The following CSTPP1 variants were observed in gnomAD, a reference collection of about 807,000 sequenced individuals.
The protein encoded by CSTPP1 is centriolar satellite-associated tubulin polyglutamylase complex regulator 1, also known as UPF0705 protein C11orf49.
chr11:46,988,812 C>G, the CSTPP1 span, among the ~76,000 whole-genome samples: 1 of 152,014 alleles, frequency 6.6e-6, no homozygotes. Flanking sequence ...ATGTCTGTAT[C>G]AAAACATATT....
the CSTPP1 span, among the ~76,000 whole-genome samples, chr11:47,022,358 C>CT: frequency 1.2e-3 from 57 of 48,804 alleles, 14 homozygotes; most frequent in African/African-American, 2.9e-3. Flanking sequence ...TTCATATGTC[C>CT]TTTTTTTTTT....
At chr11:47,071,058 C>A in the CSTPP1 span, among the ~76,000 whole-genome samples, 91 of 152,268 alleles carry the variant, frequency 6.0e-4, no homozygotes, top group African/African-American at 2.1e-3. Context: ...CAAGTAGATT[C>A]CCATTTCCTC....
At chr11:47,092,546 T>C in the CSTPP1 span, among the ~76,000 whole-genome samples, 1 of 152,218 alleles carries the variant, frequency 6.6e-6, no homozygotes, top group Non-Finnish European at 1.5e-5. Flanking sequence ...AACAGATAGA[T>C]AACTTGAAAC....
At chr11:47,154,834 T>C in the CSTPP1 span, 2 of 388,254 alleles carry the variant, frequency 5.2e-6, no homozygotes, top group Non-Finnish European at 9.5e-6. Context: ...AAAAGAAACC[T>C]TGGCTGCATT....
the CSTPP1 span, chr11:47,004,343 CT>C: frequency 0.16 from 23,784 of 148,730 alleles, 6,348 homozygotes; most frequent in African/African-American, 0.55. Flanking sequence ...ACCCAGCTAA[CT>C]TTTTTTTTTC....
At chr11:46,964,994 G>A in the CSTPP1 span, among the ~76,000 whole-genome samples, 4 of 152,162 alleles carry the variant, frequency 2.6e-5, no homozygotes, top group Non-Finnish European at 5.9e-5. Context: ...GTAGGAAGCA[G>A]ATGGTTGGAC....
the CSTPP1 span, among the ~76,000 whole-genome samples, chr11:47,071,574 C>A: frequency 6.6e-6 from 1 of 152,206 alleles, no homozygotes; most frequent in Non-Finnish European, 1.5e-5. Context: ...GATCCCCATT[C>A]TGAACCTTGC....
At chr11:47,007,632 T>TA in the CSTPP1 span, among the ~76,000 whole-genome samples, 21 of 152,214 alleles carry the variant, frequency 1.4e-4, no homozygotes, top group Non-Finnish European at 2.8e-4. Flanking sequence ...ATTTTTTTTT[T>TA]ACTCCATTAT....
At chr11:47,026,820 A>G in the CSTPP1 span, among the ~76,000 whole-genome samples, 1 of 152,148 alleles carries the variant, frequency 6.6e-6, no homozygotes, top group African/African-American at 2.4e-5. Context: ...AGAGGTTGCA[A>G]TAAGTTGAGA....
chr11:47,154,798 G>T, the CSTPP1 span: 3 of 274,626 alleles, frequency 1.1e-5, no homozygotes, highest in Admixed American at 4.6e-5. Context: ...ACGGCAGAAT[G>T]AAAGGATTTA....
chr11:47,037,318 A>G, the CSTPP1 span, among the ~76,000 whole-genome samples: 2 of 126,992 alleles, frequency 1.6e-5, 1 homozygote, highest in Admixed American at 1.7e-4. Context: ...GAAACGACGT[A>G]GTTGGAAAAA....
At chr11:46,961,243 T>G in the CSTPP1 span, among the ~76,000 whole-genome samples, 10 of 152,340 alleles carry the variant, frequency 6.6e-5, 1 homozygote, top group Admixed American at 5.2e-4. Context: ...GTTGTTGCCT[T>G]TTTTATTATA....
chr11:47,108,329 C>T, the CSTPP1 span, among the ~76,000 whole-genome samples: 1 of 152,168 alleles, frequency 6.6e-6, no homozygotes, highest in Non-Finnish European at 1.5e-5. Flanking sequence ...TCACTTTCCT[C>T]CAAAACCAGC....
chr11:46,939,352 CTG>C, the CSTPP1 span, among the ~76,000 whole-genome samples: 1 of 151,882 alleles, frequency 6.6e-6, no homozygotes, highest in Non-Finnish European at 1.5e-5. Flanking sequence ...GCCTCCCAAA[CTG>C]CTTGGATTAC....
the CSTPP1 span, among the ~76,000 whole-genome samples, chr11:47,014,209 AG>A: frequency 2.0e-5 from 3 of 151,582 alleles, no homozygotes; most frequent in Non-Finnish European, 4.4e-5. Context: ...AGAGAGAAAG[AG>A]AAAAAGAAAG....
chr11:47,080,749 C>G, the CSTPP1 span, among the ~76,000 whole-genome samples: 551 of 152,166 alleles, frequency 3.6e-3, 3 homozygotes, highest in Non-Finnish European at 6.2e-3. Context: ...TGGCTCACAC[C>G]TGCAATCCTA....
chr11:47,156,396 G>GC, the CSTPP1 span, among the ~76,000 whole-genome samples: 1 of 152,140 alleles, frequency 6.6e-6, no homozygotes, highest in Non-Finnish European at 1.5e-5. Context: ...GACGAGATGG[G>GC]CCATAAGTCA....
the CSTPP1 span, among the ~76,000 whole-genome samples, chr11:47,015,131 A>G: frequency 5.3e-5 from 8 of 152,186 alleles, no homozygotes; most frequent in African/African-American, 1.9e-4. Flanking sequence ...AAAGACACAA[A>G]GGACATTCAA....
the CSTPP1 span, among the ~76,000 whole-genome samples, chr11:47,100,399 C>T: frequency 6.6e-6 from 1 of 152,090 alleles, no homozygotes; most frequent in African/African-American, 2.4e-5. Context: ...CCCTTTAACC[C>T]ATCATCAGCC....
Sources: allele counts gnomAD v4.1 joint callset (sites outside exome capture counted in the v4.1 genomes callset), GRCh38; gene constraint gnomAD v4.1.1; transcripts MANE v1.5; gene names NCBI Gene and HGNC (gene_info 2026-07-23, HGNC 2026-07-21).